Variants in CNTN3 observed in about 807,000 individuals in gnomAD.
The protein encoded by CNTN3 is contactin-3.
A neutral mutation model predicts 119.1 loss-of-function variants in CNTN3; 60 were observed. The observed-to-expected ratio is 0.50, with a 90% CI of 0.41 to 0.62. The LOEUF (loss-of-function observed/expected upper bound fraction) is 0.62, where lower values mean the gene tolerates loss of function less well. Among genes scored for constraint, CNTN3 ranks in the 20% least tolerant of loss-of-function variants. The pLI, the probability that CNTN3 is intolerant of heterozygous loss-of-function variation, is 0.00. For synonymous variants in CNTN3, 450 were observed against 438.7 expected, an observed-to-expected ratio of 1.03 and a Z score of -0.32; for missense variants, 1,101 against 1,242.4, an observed-to-expected ratio of 0.89 and a Z score of 1.71.
In CNTN3 at chr3:74,455,464, C is replaced by T. The variant is rs191486933; in HGVS notation, c.359-30524G>A. On this transcript the variant is annotated intron_variant, in intron 4 of 22. Transcript: ENST00000263665. Reference sequence around the variant, plus strand: ...TTGGTTTGAATTTCCTCCTGTAGCTCGTAGTTTGATCGTCTGAAGCCTTCT... The same window carrying T: ...TTGGTTTGAATTTCCTCCTGTAGCTTGTAGTTTGATCGTCTGAAGCCTTCT... 3.2e-3 allele frequency among the ~76,000 whole-genome samples: 487 copies of T among 151,616 alleles called. 1 individual carries two copies. Among genetic ancestry groups the T allele is most frequent in the African/African-American group, 0.011 (461 of 41,430 alleles).
chr3:74,509,931 C>T (rs1703335127), intron 2 of CNTN3, among the ~76,000 whole-genome samples: 1 of 151,842 alleles, frequency 6.6e-6, no homozygotes, highest in Non-Finnish European at 1.5e-5. Flanking sequence ...ACTCTTATCA[C>T]CCTCATCCCC....
chr3:74,505,524 C>CACACACCA (rs199530317), intron 2 of CNTN3, among the ~76,000 whole-genome samples: 2 of 147,016 alleles, frequency 1.4e-5, no homozygotes, highest in Admixed American at 1.4e-4. Flanking sequence ...CACACACACA[C>CACACACCA]CACACATACA....
chr3:74,503,708 G>C (rs1703204365), intron 2 of CNTN3, among the ~76,000 whole-genome samples: 1 of 152,020 alleles, frequency 6.6e-6, no homozygotes, highest in South Asian at 2.1e-4. Context: ...AAACAGAAGG[G>C]GGCCTTTTGC....
At chr3:74,355,480 G>A (rs1218111041) in intron 11 of CNTN3, among the ~76,000 whole-genome samples, 1 of 151,904 alleles carries the variant, frequency 6.6e-6, no homozygotes, top group African/African-American at 2.4e-5. Flanking sequence ...TTTGAGACAG[G>A]TTCTCACTCT....
chr3:74,512,066 G>C (rs2107105489), intron 2 of CNTN3, among the ~76,000 whole-genome samples: 1 of 152,184 alleles, frequency 6.6e-6, no homozygotes, highest in Admixed American at 6.6e-5. Flanking sequence ...CTATAATATA[G>C]GATTTTTGAT....
At chr3:74,486,366 T>C (rs9838035) in intron 4 of CNTN3, 90 bp downstream of exon 4, 2 of 1,121,628 alleles carry the variant, frequency 1.8e-6, no homozygotes, top group Admixed American at 2.5e-5. Flanking sequence ...ATAAAACCCA[T>C]GTATTATTTC....
intron 5 of CNTN3, among the ~76,000 whole-genome samples, chr3:74,388,082 G>C (rs1704799922): frequency 6.6e-6 from 1 of 152,150 alleles, no homozygotes; most frequent in African/African-American, 2.4e-5. Context: ...GTCTAGCACT[G>C]GCTCTTGGAA....
At chr3:74,587,917 C>T (rs1005597421) in intron 1 of CNTN3, among the ~76,000 whole-genome samples, 3 of 152,090 alleles carry the variant, frequency 2.0e-5, no homozygotes, top group Non-Finnish European at 4.4e-5. Flanking sequence ...TTCAGTATGA[C>T]ATTGGCTGTG....
chr3:74,298,952 ACT>A (rs1320976657), intron 17 of CNTN3, among the ~76,000 whole-genome samples: 1 of 151,886 alleles, frequency 6.6e-6, no homozygotes, highest in Non-Finnish European at 1.5e-5. Flanking sequence ...CATCCCTGTA[ACT>A]CTAGCACTTT....
At chr3:74,484,368 T>C (rs1423488243) in intron 4 of CNTN3, among the ~76,000 whole-genome samples, 1 of 151,780 alleles carries the variant, frequency 6.6e-6, no homozygotes, top group Non-Finnish European at 1.5e-5. Context: ...ACAAAAAGAA[T>C]ACAAAAATAT....
At chr3:74,544,787 A>G (rs1703891049) in intron 1 of CNTN3, among the ~76,000 whole-genome samples, 1 of 152,008 alleles carries the variant, frequency 6.6e-6, no homozygotes, top group Admixed American at 6.6e-5. Flanking sequence ...TTTAGTAGAG[A>G]CAGGGTTTCA....
rs545332090 is a variant in CNTN3 at position 74,516,366 on chromosome 3, CA to C, written c.55+4691del. On this transcript the variant is annotated intron_variant, in intron 2 of 22. Coordinates refer to ENST00000263665, the MANE Select transcript of CNTN3 (RefSeq NM_020872.3). ...TCTTCTTCTTCCTCCCCAGTCTACTCAATGTGAAGACAATGAGGATGAAGAC... is the reference window on the plus strand; with the variant it reads ...TCTTCTTCTTCCTCCCCAGTCTACTCATGTGAAGACAATGAGGATGAAGAC... Among the ~76,000 whole-genome samples, 528 of 150,316 alleles carry C rather than the reference CA, an allele frequency of 3.5e-3. 41 individuals carry two copies. The highest frequency in any genetic ancestry group is 0.013 in the African/African-American group (514 of 40,060).
At chr3:74,344,247 C>T (rs999547096) in intron 11 of CNTN3, among the ~76,000 whole-genome samples, 5 of 152,042 alleles carry the variant, frequency 3.3e-5, no homozygotes, top group African/African-American at 1.2e-4. Context: ...GGTTTTATCA[C>T]AGATCAACAG....
chr3:74,460,325 T>G (rs1309417822), intron 4 of CNTN3, among the ~76,000 whole-genome samples: 1 of 151,974 alleles, frequency 6.6e-6, no homozygotes, highest in East Asian at 1.9e-4. Flanking sequence ...AAGACCTCCC[T>G]GGGATTTTGA....
Position 74,595,212 on chromosome 3 carries a change from G to C in CNTN3, c.-81+19179C>G, listed in dbSNP as rs1158315077. Among the ~76,000 whole-genome samples, 4 of 151,696 alleles carry C rather than the reference G, an allele frequency of 2.6e-5. No individual in the cohort carries two copies. The South Asian group carries it at 6.3e-4, about 24-fold the overall frequency. On this transcript the variant is annotated intron_variant, in intron 1 of 22. Coordinates refer to ENST00000263665, the MANE Select transcript of CNTN3 (RefSeq NM_020872.3). ...ATATTAGCCCTTTGTCAGATGAGTA[G>C]GTTGCAAAAATTTTCTCCCATTTTG...
At chr3:74,394,585 A>G (rs1704999155) in intron 5 of CNTN3, among the ~76,000 whole-genome samples, 1 of 152,196 alleles carries the variant, frequency 6.6e-6, no homozygotes, top group Admixed American at 6.5e-5. Context: ...AGAAGCAAAG[A>G]AAAGTAAACA....
intron 2 of CNTN3, among the ~76,000 whole-genome samples, chr3:74,503,129 C>A (rs1052561057): frequency 1.3e-5 from 2 of 152,108 alleles, no homozygotes; most frequent in Non-Finnish European, 2.9e-5. Flanking sequence ...GGTTAAATGA[C>A]CTGACCATAG....
chr3:74,538,991 A>G (rs1210869369), intron 1 of CNTN3, among the ~76,000 whole-genome samples: 1 of 152,150 alleles, frequency 6.6e-6, no homozygotes, highest in Non-Finnish European at 1.5e-5. Context: ...TCACATTAAA[A>G]AAAAATACTT....
intron 1 of CNTN3, among the ~76,000 whole-genome samples, chr3:74,559,796 TATA>T (rs1319311677): frequency 6.4e-5 from 9 of 141,268 alleles, no homozygotes; most frequent in Non-Finnish European, 1.3e-4. Context: ...AATTGCTTAA[TATA>T]ATAACATACA....
Sources: allele counts gnomAD v4.1 joint callset (sites outside exome capture counted in the v4.1 genomes callset), GRCh38; gene constraint gnomAD v4.1.1; transcripts MANE v1.5; gene names NCBI Gene and HGNC (gene_info 2026-07-23, HGNC 2026-07-21).